Variants in SLC35F3 observed in about 807,000 individuals in gnomAD.
SLC35F3 encodes putative thiamine transporter SLC35F3.
A neutral mutation model predicts 49.9 loss-of-function variants in SLC35F3; 25 were observed. The ratio of observed to expected loss-of-function variants is 0.50; its 90% confidence interval spans 0.37 to 0.70. SLC35F3 has a LOEUF of 0.70. Among genes scored for constraint, SLC35F3 ranks in the 30% least tolerant of loss-of-function variants. SLC35F3 has a pLI of 0.00. For missense variants in SLC35F3, 525 were observed against 639.8 expected (o/e 0.82, Z 1.94); for synonymous variants, 275 against 265.4 (o/e 1.04, Z -0.35).
At chr1:234,181,284 C>A (rs1328751078) in intron 2 of SLC35F3, among the ~76,000 whole-genome samples, 1 of 135,842 alleles carries the variant, frequency 7.4e-6, no homozygotes, top group Non-Finnish European at 1.5e-5. Context: ...TGCAGTGAGT[C>A]GAGATTGTGT....
At chr1:234,208,365 G>C (rs540129735) in intron 2 of SLC35F3, among the ~76,000 whole-genome samples, 2 of 152,278 alleles carry the variant, frequency 1.3e-5, no homozygotes, top group East Asian at 3.9e-4. Context: ...GTCCAAGTAG[G>C]GCAACAAGAG....
At chr1:233,936,322 C>T (rs576368990) in intron 2 of SLC35F3, among the ~76,000 whole-genome samples, 1 of 152,278 alleles carries the variant, frequency 6.6e-6, no homozygotes, top group South Asian at 2.1e-4. Context: ...ATCTCCAGCT[C>T]AGTTCAACAA....
chr1:234,048,877 A>G (rs1458247662), intron 2 of SLC35F3, among the ~76,000 whole-genome samples: 2 of 152,204 alleles, frequency 1.3e-5, no homozygotes, highest in Non-Finnish European at 2.9e-5. Flanking sequence ...CTTGGGACCA[A>G]TCATCCCTCC....
At chr1:234,108,708 A>T (rs1430540003) in intron 2 of SLC35F3, among the ~76,000 whole-genome samples, 4 of 74,680 alleles carry the variant, frequency 5.4e-5, no homozygotes, top group African/African-American at 2.0e-4. Context: ...TATATTATAT[A>T]TATAAAAGAT....
At chr1:234,079,169 A>G (rs928880080) in intron 2 of SLC35F3, among the ~76,000 whole-genome samples, 18 of 152,236 alleles carry the variant, frequency 1.2e-4, no homozygotes, top group African/African-American at 4.3e-4. Flanking sequence ...AAAGAAACCC[A>G]TATATAAATA....
rs372474724 is a variant in SLC35F3, at chr1:233,995,927, G to A, written c.283+90169G>A. Reference sequence around the variant, plus strand: ...TTTCTTTCTGGCTCCTTTAGGATTAGCATAGCTTGAGAGAAGAGGAAAGCA... The same window carrying A: ...TTTCTTTCTGGCTCCTTTAGGATTAACATAGCTTGAGAGAAGAGGAAAGCA... On this transcript the variant is annotated intron_variant, in intron 2 of 7. Transcript: ENST00000366618. Among the ~76,000 whole-genome samples the A allele has an allele frequency of 5.6e-4, 86 of 152,314 alleles. 1 individual carries two copies. The highest frequency in any genetic ancestry group is 5.6e-3 in the East Asian group (29 of 5,184).
intron 2 of SLC35F3, among the ~76,000 whole-genome samples, chr1:234,073,808 A>G (rs1664754863): frequency 6.6e-6 from 1 of 152,204 alleles, no homozygotes; most frequent in South Asian, 2.1e-4. Flanking sequence ...TGTCCCAGGA[A>G]AAAGTCCCAA....
intron 2 of SLC35F3, among the ~76,000 whole-genome samples, chr1:234,114,226 T>C (rs1483801119): frequency 6.6e-6 from 1 of 152,238 alleles, no homozygotes; most frequent in African/African-American, 2.4e-5. Flanking sequence ...ATGGTATTTA[T>C]TGCTGATGAG....
At position 234,097,928 on chromosome 1, in the gene SLC35F3, T is replaced by C. The variant is rs182839193; in HGVS notation, c.284-133489T>C. ...GGTGATGTGATGGTGGTGGTAGTGA[T>C]GGTGTTATAGGGTGATGGTGGAGGT... is the stretch of plus-strand genomic sequence containing the variant. On this transcript the variant is annotated intron_variant, in intron 2 of 7. Coordinates refer to ENST00000366618, the MANE Select transcript of SLC35F3 (RefSeq NM_173508.4). 1.1e-3 allele frequency among the ~76,000 whole-genome samples: 161 copies of C among 152,126 alleles called. 1 individual carries two copies. Among genetic ancestry groups the C allele is most frequent in the Admixed American group, 2.4e-3 (37 of 15,274 alleles).
chr1:234,179,064 C>T (rs553443013), intron 2 of SLC35F3, among the ~76,000 whole-genome samples: 18 of 152,170 alleles, frequency 1.2e-4, no homozygotes, highest in Non-Finnish European at 2.6e-4. Context: ...CAGGCAGCCC[C>T]AGGTGTTCCA....
chr1:234,234,885 CTG>C (rs916182689), intron 3 of SLC35F3, among the ~76,000 whole-genome samples: 1 of 152,216 alleles, frequency 6.6e-6, no homozygotes, highest in African/African-American at 2.4e-5. Context: ...GCCCTATACA[CTG>C]TAACATGCTG....
At chr1:234,207,655 C>A (rs901788636) in intron 2 of SLC35F3, among the ~76,000 whole-genome samples, 3 of 151,482 alleles carry the variant, frequency 2.0e-5, no homozygotes, top group Non-Finnish European at 4.4e-5. Flanking sequence ...TTTTATAAAC[C>A]AATTCTAACA....
At chr1:233,994,445 G>A (rs1663424444) in intron 2 of SLC35F3, among the ~76,000 whole-genome samples, 1 of 65,856 alleles carries the variant, frequency 1.5e-5, no homozygotes, top group Admixed American at 1.3e-4. Flanking sequence ...CAGCTTCTCT[G>A]TAAATGTCAG....
intron 2 of SLC35F3, among the ~76,000 whole-genome samples, chr1:234,064,568 G>A (rs1572037898): frequency 6.6e-6 from 1 of 152,226 alleles, no homozygotes; most frequent in South Asian, 2.1e-4. Flanking sequence ...GGGTCCTGTG[G>A]CTCACCCTGA....
chr1:233,938,159 A>G (rs1662363503), intron 2 of SLC35F3, among the ~76,000 whole-genome samples: 1 of 152,092 alleles, frequency 6.6e-6, no homozygotes. Flanking sequence ...ATTCACAGAA[A>G]CAATAGGAGA....
intron 2 of SLC35F3, among the ~76,000 whole-genome samples, chr1:234,080,295 TTTA>T (rs1664856171): frequency 6.6e-6 from 1 of 152,116 alleles, no homozygotes; most frequent in Non-Finnish European, 1.5e-5. Flanking sequence ...TCCATGCCCT[TTTA>T]TTATTATTAT....
intron 3 of SLC35F3, among the ~76,000 whole-genome samples, chr1:234,256,139 G>GA (rs1667818937): frequency 6.6e-6 from 1 of 151,972 alleles, no homozygotes; most frequent in Non-Finnish European, 1.5e-5. Flanking sequence ...CATAAGAGTG[G>GA]AAAAAACATT....
intron 2 of SLC35F3, among the ~76,000 whole-genome samples, chr1:234,009,132 A>G (rs754497470): frequency 7.9e-5 from 12 of 152,290 alleles, no homozygotes; most frequent in Non-Finnish European, 1.5e-4. Flanking sequence ...GCAATTTCCT[A>G]TCTATCGAAA....
At chr1:234,253,639 A>G (rs1206127651) in intron 3 of SLC35F3, among the ~76,000 whole-genome samples, 1 of 152,192 alleles carries the variant, frequency 6.6e-6, no homozygotes, top group African/African-American at 2.4e-5. Flanking sequence ...CAACAACTAG[A>G]AAGAGTGGGG....
Sources: allele counts gnomAD v4.1 joint callset (sites outside exome capture counted in the v4.1 genomes callset), GRCh38; gene constraint gnomAD v4.1.1; transcripts MANE v1.5; gene names NCBI Gene and HGNC (gene_info 2026-07-23, HGNC 2026-07-21).